PRIM2: variants seen among roughly 807,000 people sequenced by gnomAD.
PRIM2 encodes the protein DNA primase large subunit.
In PRIM2, 39 loss-of-function variants were observed where a neutral mutation model predicts 67.3. The observed-to-expected ratio is 0.58, with a 90% CI of 0.45 to 0.76. PRIM2 has a LOEUF of 0.76. PRIM2 is among the 30% of genes least tolerant of loss of function. PRIM2 has a pLI of 0.00. For missense variants in PRIM2, 398 were observed against 598.7 expected (o/e 0.66, Z 3.50); for synonymous variants, 143 against 198.7 (o/e 0.72, Z 2.36).
At chr6:57,526,789 A>G (rs1236405027) in intron 8 of PRIM2, among the ~76,000 whole-genome samples, 4 of 152,090 alleles carry the variant, frequency 2.6e-5, no homozygotes, top group African/African-American at 9.7e-5. Context: ...GTGTTTATAG[A>G]TGTTGAAGCA....
chr6:57,235,719 C>A, the PRIM2 span, among the ~76,000 whole-genome samples: 7 of 152,026 alleles, frequency 4.6e-5, no homozygotes, highest in Non-Finnish European at 1.0e-4. Context: ...GCTGGATTAT[C>A]CAAGTGGGCC....
At chr6:57,606,288 G>T (rs1218144360) in intron 11 of PRIM2, 87 bp from the exon 12 acceptor site, 1 of 976,410 alleles carries the variant, frequency 1.0e-6, no homozygotes, top group East Asian at 2.6e-5. Flanking sequence ...CAATTAAGGG[G>T]AGCTTAGATG....
At chr6:57,255,497 CA>C in the PRIM2 span, among the ~76,000 whole-genome samples, 65,677 of 130,078 alleles carry the variant, frequency 0.5, 15,227 homozygotes, top group South Asian at 0.6. Context: ...GACTCTATCT[CA>C]AAAAAAAAAA....
intron 4 of PRIM2, among the ~76,000 whole-genome samples, 196 bp downstream of exon 4, chr6:57,324,476 C>T (rs765306751): frequency 4.1e-4 from 62 of 152,066 alleles, no homozygotes; most frequent in Non-Finnish European, 8.8e-5. Context: ...AAAATTCTAT[C>T]GCAGAATTTT....
chr6:57,415,483 T>C (rs1184364352), intron 7 of PRIM2, among the ~76,000 whole-genome samples: 2 of 152,200 alleles, frequency 1.3e-5, no homozygotes, highest in Non-Finnish European at 1.5e-5. Context: ...TGCTAAAAAA[T>C]GCTAATGATC....
intron 10 of PRIM2, among the ~76,000 whole-genome samples, chr6:57,560,036 G>T (rs1289373947): frequency 6.6e-6 from 1 of 152,140 alleles, no homozygotes; most frequent in Admixed American, 6.5e-5. Flanking sequence ...TTTCATAAAA[G>T]ATTTCTTTGT....
At chr6:57,573,909 C>T (rs1485081940) in intron 10 of PRIM2, among the ~76,000 whole-genome samples, 12 of 152,044 alleles carry the variant, frequency 7.9e-5, no homozygotes, top group Non-Finnish European at 1.8e-4. Flanking sequence ...TACCTATCTA[C>T]TCTTCTGCTA....
At chr6:57,476,349 T>G (rs1229729012) in intron 7 of PRIM2, among the ~76,000 whole-genome samples, 1 of 152,180 alleles carries the variant, frequency 6.6e-6, no homozygotes, top group Non-Finnish European at 1.5e-5. Flanking sequence ...CAGCTGGAAT[T>G]TAAGTTAATG....
chr6:57,414,789 T>G (rs1428273237), intron 7 of PRIM2, among the ~76,000 whole-genome samples: 2 of 152,246 alleles, frequency 1.3e-5, no homozygotes, highest in Middle Eastern at 6.8e-3. Flanking sequence ...TATATATAAA[T>G]TTTATAGCCT....
At chr6:57,289,286 C>G in the PRIM2 span, among the ~76,000 whole-genome samples, 1 of 152,026 alleles carries the variant, frequency 6.6e-6, no homozygotes, top group South Asian at 2.1e-4. Context: ...ACAAAGCCTC[C>G]AAGAAATATG....
intron 5 of PRIM2, among the ~76,000 whole-genome samples, chr6:57,331,248 G>A (rs1768051016): frequency 1.3e-5 from 2 of 151,322 alleles, no homozygotes; most frequent in Non-Finnish European, 2.9e-5. Flanking sequence ...CACCAACCTT[G>A]CAATCCTGGA....
At chr6:57,305,337 C>T in the PRIM2 span, among the ~76,000 whole-genome samples, 1 of 152,286 alleles carries the variant, frequency 6.6e-6, no homozygotes, top group Admixed American at 6.5e-5. Flanking sequence ...GGGATAAGTA[C>T]AGAGAAGTTC....
chr6:57,378,797 A>G (rs1313989939), intron 5 of PRIM2, among the ~76,000 whole-genome samples: 1 of 152,184 alleles, frequency 6.6e-6, no homozygotes, highest in African/African-American at 2.4e-5. Context: ...AGATGTTTTA[A>G]AAATTTTATC....
chr6:57,379,851 C>G, intron 5 of PRIM2, 50 bp from the exon 6 acceptor site: 1 of 1,487,892 alleles, frequency 6.7e-7, no homozygotes, highest in Non-Finnish European at 8.9e-7. Flanking sequence ...TTTATTGAAA[C>G]TGAATGAGGA....
chr6:57,264,348 A>T, the PRIM2 span, among the ~76,000 whole-genome samples: 2 of 152,106 alleles, frequency 1.3e-5, no homozygotes, highest in Admixed American at 1.3e-4. Context: ...CTTGCTTAAT[A>T]ACTGGTTGTC....
At chr6:57,284,906 A>G in the PRIM2 span, among the ~76,000 whole-genome samples, 3 of 152,198 alleles carry the variant, frequency 2.0e-5, no homozygotes, top group East Asian at 5.8e-4. Context: ...AGAGAGAAGA[A>G]TCAAATAGAT....
intron 10 of PRIM2, among the ~76,000 whole-genome samples, chr6:57,546,761 TATTAAA>T (rs1252845300): frequency 6.6e-6 from 1 of 152,202 alleles, no homozygotes; most frequent in Admixed American, 6.5e-5. Flanking sequence ...GAGATTTCAG[TATTAAA>T]ACATCAACCA....
chr6:57,314,602 G>A (rs562615380), upstream of PRIM2, among the ~76,000 whole-genome samples: 6 of 152,340 alleles, frequency 3.9e-5, no homozygotes, highest in Non-Finnish European at 8.8e-5. Flanking sequence ...CAGGCACTGG[G>A]GTCACAGAAA....
intron 8 of PRIM2, among the ~76,000 whole-genome samples, chr6:57,511,207 A>G (rs1411036407): frequency 6.6e-6 from 1 of 151,856 alleles, no homozygotes; most frequent in Non-Finnish European, 1.5e-5. Context: ...TTAACAATAT[A>G]TATTATTTTG....
Sources: allele counts gnomAD v4.1 joint callset (sites outside exome capture counted in the v4.1 genomes callset), GRCh38; gene constraint gnomAD v4.1.1; transcripts MANE v1.5; gene names NCBI Gene and HGNC (gene_info 2026-07-23, HGNC 2026-07-21).